The following TNRC18 variants were observed in gnomAD, a reference collection of about 807,000 sequenced individuals.
The protein encoded by TNRC18 is trinucleotide repeat containing 18.
A neutral mutation model predicts 226.7 loss-of-function variants in TNRC18; 69 were observed. The observed-to-expected ratio is 0.30, with a 90% CI of 0.25 to 0.37. The LOEUF is 0.37. TNRC18 is among the 10% of genes least tolerant of loss of function. The probability of loss-of-function intolerance (pLI) is 1.00; values close to 1 mark genes in which losing one functional copy is unlikely to be tolerated. For synonymous variants in TNRC18, 2,449 were observed against 1,927.6 expected (o/e 1.27, Z -7.09); for missense variants, 4,754 against 4,256.6 (o/e 1.12, Z -3.25).
chr7:5,335,996 G>C (rs551490969), intron 18 of TNRC18, among the ~76,000 whole-genome samples: 340 of 151,728 alleles, frequency 2.2e-3, no homozygotes, highest in Non-Finnish European at 4.0e-3. Flanking sequence ...CACTTGAGGT[G>C]AGGAGTTTGA....
rs1021388517 is a variant in TNRC18 at position 5,324,593 on chromosome 7, ATCAGCAC to A, written c.6301-245_6301-239del. Among the ~76,000 whole-genome samples the A allele has an allele frequency of 5.3e-5, 8 of 152,220 alleles. No homozygotes were observed. The highest frequency in any genetic ancestry group is 7.2e-5 in the African/African-American group (3 of 41,468). ...CAATACTCAGTACTCTGTGCTCAGT[ATCAGCAC>A]TCAGCACTCAGTACTCACTACCATA... On this transcript the variant is annotated intron_variant, in intron 20 of 29. Coordinates refer to ENST00000430969, the MANE Select transcript of TNRC18 (RefSeq NM_001080495.3). The surrounding 1 kb of genome is among the most constrained non-coding windows in gnomAD (Gnocchi z 4.8).
At position 5,388,492 on chromosome 7, in the gene TNRC18, G is replaced by A; in HGVS notation, c.1332C>T (p.Ala444=). Reference sequence around the variant, plus strand: ...AGGCGCGTGTGGCCCGCACCGTGGGGGCATCCGCGGGGGGCGGCCGCTTGA... The same window carrying A: ...AGGCGCGTGTGGCCCGCACCGTGGGAGCATCCGCGGGGGGCGGCCGCTTGA... ...RSLKRPPPAD[A]PTVRATRASP... The change falls in exon 5 of 30, where the codon GCC becomes GCT. Residue 444 remains alanine, a synonymous_variant. Coordinates refer to ENST00000430969, the MANE Select transcript of TNRC18 (RefSeq NM_001080495.3). The A allele has an allele frequency of 4.4e-6, 6 of 1,351,662 alleles. No homozygotes were observed. Among genetic ancestry groups the A allele is most frequent in the Non-Finnish European group, 5.7e-6 (6 of 1,058,298 alleles). 83.7% of individuals were successfully genotyped at this position (1,351,662 alleles called of 1,614,324 possible). A position where few individuals can be genotyped will look rare whatever the true frequency, so the allele number is the denominator to read the frequency against.
At chr7:5,385,716 A>G in intron 5 of TNRC18, among the ~76,000 whole-genome samples, 1 of 151,172 alleles carries the variant, frequency 6.6e-6, no homozygotes, top group Non-Finnish European at 1.5e-5. Flanking sequence ...GCTCACACCT[A>G]TAATCCCAGA....
At chr7:5,419,809 T>C (rs1041281343) in intron 2 of TNRC18, 1 of 151,942 alleles carries the variant, frequency 6.6e-6, no homozygotes, top group Non-Finnish European at 1.5e-5. Flanking sequence ...GGACTCCAGT[T>C]CCTGAAAAGT....
chr7:5,323,295 CAT>C (rs1364329386), intron 21 of TNRC18, among the ~76,000 whole-genome samples: 2 of 152,062 alleles, frequency 1.3e-5, no homozygotes, highest in Admixed American at 6.5e-5. Flanking sequence ...AAGCCCAGCA[CAT>C]GACTCTCCCT....
intron 2 of TNRC18, among the ~76,000 whole-genome samples, chr7:5,410,296 G>A (rs1231787377): frequency 1.6e-5 from 2 of 125,290 alleles, no homozygotes; most frequent in Admixed American, 1.9e-4. Context: ...GGGCAACAGA[G>A]CAAGACTCTG....
At chr7:5,415,130 G>C (rs574432511) in intron 2 of TNRC18, among the ~76,000 whole-genome samples, 2 of 152,186 alleles carry the variant, frequency 1.3e-5, no homozygotes, top group Admixed American at 1.3e-4. Context: ...GGGACCTGAA[G>C]GATCCCACCT....
At chr7:5,360,713 T>C (rs13221525) in intron 14 of TNRC18, among the ~76,000 whole-genome samples, 19,304 of 151,824 alleles carry the variant, frequency 0.13, 1,288 homozygotes, top group South Asian at 0.17. Context: ...CGGGAAGCTC[T>C]CCCTGCCCCT....
At chr7:5,392,008 C>A (rs1181663631) in intron 3 of TNRC18, among the ~76,000 whole-genome samples, 2 of 151,826 alleles carry the variant, frequency 1.3e-5, no homozygotes, top group African/African-American at 4.8e-5. Flanking sequence ...GACTCAGGTA[C>A]CCCATACCCA....
chr7:5,391,679 T>A (rs1284644903), intron 3 of TNRC18, among the ~76,000 whole-genome samples: 3 of 139,976 alleles, frequency 2.1e-5, no homozygotes, highest in African/African-American at 9.2e-5. Flanking sequence ...GGGGTAGCCA[T>A]GGAGAGAGGA....
chr7:5,345,782 C>G lies in TNRC18; in HGVS notation c.5499G>C (p.Glu1833Asp). 6.5e-7 allele frequency: 1 copy of G among 1,545,164 alleles called. No individual in the cohort carries two copies. Among genetic ancestry groups the G allele is most frequent in the Non-Finnish European group, 8.7e-7 (1 of 1,146,628 alleles). Residue 1833 changes from glutamate (E) to aspartate (D), a missense_variant, in exon 18 of 30, where the codon GAG (glutamate) becomes GAC (aspartate). Transcript: ENST00000430969. Reference protein sequence around the residue: ...QDESSEEEDEEEELEEEDEAS... With the variant: ...QDESSEEEDEDEELEEEDEAS... ...CCTCGTCCTCCTCCTCGAGCTCCTCCTCCTCGTCCTCCTCCTCCGAGCTCT... is the reference window on the plus strand; with the variant it reads ...CCTCGTCCTCCTCCTCGAGCTCCTCGTCCTCGTCCTCCTCCTCCGAGCTCT...
At chr7:5,387,227 G>T (rs957082012) in intron 5 of TNRC18, among the ~76,000 whole-genome samples, 1 of 152,216 alleles carries the variant, frequency 6.6e-6, no homozygotes, top group Non-Finnish European at 1.5e-5. Flanking sequence ...CCCAGTTTCT[G>T]TCTGTTCCTC....
chr7:5,420,893 G>A, intron 2 of TNRC18, 167 bp downstream of exon 2: 1 of 874,982 alleles, frequency 1.1e-6, no homozygotes. Flanking sequence ...CCACCGCCTT[G>A]GCTCCGGGAC....
At chr7:5,390,653 G>A (rs974031110) in intron 3 of TNRC18, 25 bp from the exon 4 acceptor site, 3 of 1,494,156 alleles carry the variant, frequency 2.0e-6, no homozygotes, top group Admixed American at 2.5e-5. Flanking sequence ...AGAAAAGCTG[G>A]GCTGGGCCAA....
chr7:5,412,284 A>G (rs1416133442), intron 2 of TNRC18, among the ~76,000 whole-genome samples: 2 of 151,648 alleles, frequency 1.3e-5, no homozygotes, highest in South Asian at 2.1e-4. Flanking sequence ...ATTCCAGAAA[A>G]TGAATTTTCG....
chr7:5,387,992 C>A lies in TNRC18; in HGVS notation c.1832G>T (p.Ser611Ile). 1.9e-6 allele frequency: 3 copies of A among 1,590,038 alleles called. No homozygotes were observed. The highest frequency in any genetic ancestry group is 2.6e-6 in the Non-Finnish European group (3 of 1,169,580). Residue 611 changes from serine (S) to isoleucine (I), a missense_variant, in exon 5 of 30, where the codon AGC (serine) becomes ATC (isoleucine). Physicochemically the swap from Ser to Ile is moderately radical, Grantham distance 142 (BLOSUM62 -2). Transcript: ENST00000430969. ...CATGGTGCCCAAACCTCCAAAGGGG[C>A]TCTTCTTGCCACAGCCACCAGGGCG... The part of the protein sequence containing the change: ...AVRPGGCGKK[S>I]PFGGLGTMKP...
chr7:5,401,461 T>A (rs1393633266), intron 2 of TNRC18, among the ~76,000 whole-genome samples: 1 of 152,196 alleles, frequency 6.6e-6, no homozygotes, highest in African/African-American at 2.4e-5. Context: ...CAGCCTTCCC[T>A]GTCCTTTTTC....
chr7:5,371,075 C>T lies in TNRC18; in HGVS notation c.3519G>A (p.Pro1173=), dbSNP rs371289628. The change falls in exon 11 of 30, where the codon CCG becomes CCA. Residue 1173 remains proline, a synonymous_variant. Transcript: ENST00000430969. ...EDMDEGPTEL[P]PLESPLPLPA... The stretch of plus-strand genomic sequence containing the variant: ...GCAGTGGCAGCGGCGACTCCAGAGG[C>T]GGCAGCTCTGTGGGGCCCTCGTCCA... 35 of 1,611,494 alleles carry T rather than the reference C, an allele frequency of 2.2e-5. No homozygotes were observed. Among genetic ancestry groups the T allele is most frequent in the East Asian group, 1.8e-4 (8 of 44,892 alleles).
intron 15 of TNRC18, among the ~76,000 whole-genome samples, 168 bp from the exon 16 acceptor site, chr7:5,357,444 C>T (rs766429346): frequency 2.6e-5 from 4 of 152,026 alleles, no homozygotes; most frequent in Non-Finnish European, 5.9e-5. Context: ...CGGAGTCTCG[C>T]TCTGTCGCCC....
Sources: gnomAD v4.1 joint callset for allele counts (sites outside exome capture counted in the v4.1 genomes callset) on GRCh38, gnomAD v4.1.1 for gene constraint, Gnocchi (gnomAD v3.1) non-coding constraint, MANE v1.5 for transcripts, NCBI Gene and HGNC (gene_info 2026-07-23, HGNC 2026-07-21) for gene names.